The following KATNBL1 variants were observed in gnomAD, a reference collection of about 807,000 sequenced individuals.
The protein encoded by KATNBL1 is katanin regulatory subunit B1 like 1, also known as KATNB1-like protein 1.
In KATNBL1, 28 loss-of-function variants were observed where a neutral mutation model predicts 44.7. That is an observed-to-expected ratio of 0.63 (90% CI 0.46 to 0.86). The LOEUF is 0.86. Ranked by LOEUF, KATNBL1 falls within the 40% of genes least tolerant of loss-of-function variation. The pLI is 0.00. For missense variants in KATNBL1, 272 were observed against 350.7 expected, an observed-to-expected ratio of 0.78 and a Z score of 1.79; for synonymous variants, 78 against 114.9, an observed-to-expected ratio of 0.68 and a Z score of 2.06.
chr15:34,154,721 A>C (rs957225942), intron 2 of KATNBL1, 37 bp from the exon 3 acceptor site: 1 of 1,368,870 alleles, frequency 7.3e-7, no homozygotes, highest in Non-Finnish European at 1.0e-6. Context: ...GTTAGAAACA[A>C]ATGCTTGGTG....
chr15:34,168,506 C>A (rs1046906029), intron 1 of KATNBL1, among the ~76,000 whole-genome samples: 3 of 152,100 alleles, frequency 2.0e-5, no homozygotes, highest in Non-Finnish European at 4.4e-5. Flanking sequence ...TTCAACACTC[C>A]ACTGTCAATA....
At chr15:34,187,734 TTCAG>T (rs1446461973) in intron 1 of KATNBL1, among the ~76,000 whole-genome samples, 1 of 152,138 alleles carries the variant, frequency 6.6e-6, no homozygotes, top group African/African-American at 2.4e-5. Flanking sequence ...ATAAGGCCAT[TTCAG>T]TCAAAGTCCT....
chr15:34,187,843 A>G (rs981599858), intron 1 of KATNBL1, among the ~76,000 whole-genome samples: 1 of 152,140 alleles, frequency 6.6e-6, no homozygotes, highest in Non-Finnish European at 1.5e-5. Context: ...ACAAATTAAG[A>G]ATATTCACAA....
intron 8 of KATNBL1, chr15:34,145,898 TCC>T (rs1888294539): frequency 6.6e-6 from 1 of 151,518 alleles, no homozygotes; most frequent in Admixed American, 6.6e-5. Flanking sequence ...ATTTGGACAT[TCC>T]TTGGTGTGAA....
intron 1 of KATNBL1, among the ~76,000 whole-genome samples, chr15:34,179,792 A>C (rs1325469028): frequency 1.3e-5 from 2 of 152,204 alleles, no homozygotes; most frequent in Non-Finnish European, 2.9e-5. Context: ...GCTCCCCCCC[A>C]CCATCACTTA....
At chr15:34,206,828 C>G (rs917147191) in intron 1 of KATNBL1, among the ~76,000 whole-genome samples, 2 of 151,948 alleles carry the variant, frequency 1.3e-5, no homozygotes, top group African/African-American at 4.8e-5. Flanking sequence ...AAATTACACC[C>G]TTCCAATTTA....
chr15:34,199,010 T>A (rs1371857760), intron 1 of KATNBL1, among the ~76,000 whole-genome samples: 2 of 151,946 alleles, frequency 1.3e-5, no homozygotes, highest in South Asian at 4.2e-4. Flanking sequence ...GGGGAGGAGG[T>A]GAACACTGGA....
intron 1 of KATNBL1, among the ~76,000 whole-genome samples, chr15:34,190,693 A>T (rs1453288731): frequency 6.6e-6 from 1 of 152,242 alleles, no homozygotes; most frequent in East Asian, 1.9e-4. Flanking sequence ...AATCAATTTT[A>T]GCATCAAAAA....
At chr15:34,201,420 G>A (rs1411334463) in intron 1 of KATNBL1, among the ~76,000 whole-genome samples, 5 of 152,228 alleles carry the variant, frequency 3.3e-5, no homozygotes. Flanking sequence ...CTTCTAGTGA[G>A]AGGATATGTG....
intron 1 of KATNBL1, among the ~76,000 whole-genome samples, chr15:34,173,146 C>A (rs1421712386): frequency 2.0e-5 from 3 of 150,100 alleles, no homozygotes; most frequent in African/African-American, 7.3e-5. Context: ...TTAGAGGGAC[C>A]AACATCCAAA....
chr15:34,144,162 CTGGT>C (rs1381250007), intron 9 of KATNBL1, among the ~76,000 whole-genome samples: 1 of 151,270 alleles, frequency 6.6e-6, no homozygotes, highest in East Asian at 1.9e-4. Flanking sequence ...AGATAAGCTT[CTGGT>C]TGGTCACTGT....
Position 34,145,853 on chromosome 15 carries a change from C to T in KATNBL1, c.789-362G>A, listed in dbSNP as rs947395557. On this transcript the variant is annotated intron_variant, in intron 8 of 9. Transcript: ENST00000256544. ...AGAAAATTAAAGGTTATTTAGTTGT[C>T]AAAGCAGGTAAGAAAATGACCAGGC... 4 of 148,424 alleles carry T rather than the reference C, an allele frequency of 2.7e-5. No homozygotes were observed. In the East Asian group the frequency reaches 5.8e-4, roughly 22 times the overall value. 9.2% of individuals were successfully genotyped at this position (148,424 alleles called of 1,614,324 possible).
chr15:34,158,580 T>C (rs1001148703), intron 2 of KATNBL1, among the ~76,000 whole-genome samples: 4 of 152,158 alleles, frequency 2.6e-5, no homozygotes, highest in Non-Finnish European at 5.9e-5. Context: ...GATTAATTCT[T>C]GTGGACCAGG....
intron 1 of KATNBL1, among the ~76,000 whole-genome samples, chr15:34,199,090 C>G (rs1013127732): frequency 6.6e-6 from 1 of 152,148 alleles, no homozygotes; most frequent in Non-Finnish European, 1.5e-5. Flanking sequence ...AAAGGGTACC[C>G]CATCAGGTTA....
chr15:34,206,935 C>T (rs561508823), intron 1 of KATNBL1, among the ~76,000 whole-genome samples: 1 of 151,850 alleles, frequency 6.6e-6, no homozygotes, highest in Non-Finnish European at 1.5e-5. Context: ...CAGAAAGCAC[C>T]AAATTAACTA....
intron 1 of KATNBL1, among the ~76,000 whole-genome samples, chr15:34,174,064 TAGACTTTCATTCTTG>T (rs1250411087): frequency 1.3e-5 from 2 of 152,128 alleles, no homozygotes; most frequent in African/African-American, 4.8e-5. Flanking sequence ...GAAAATGCAA[TAGACTTTCATTCTTG>T]AGTTTTCCAA....
At chr15:34,192,403 C>CAAAA (rs199991134) in intron 1 of KATNBL1, among the ~76,000 whole-genome samples, 5 of 107,250 alleles carry the variant, frequency 4.7e-5, no homozygotes, top group Non-Finnish European at 8.5e-5. Context: ...GACTCCATCT[C>CAAAA]AAAAAAAAAA....
intron 1 of KATNBL1, among the ~76,000 whole-genome samples, chr15:34,178,464 A>T (rs1201810626): frequency 1.3e-5 from 2 of 152,232 alleles, no homozygotes; most frequent in Non-Finnish European, 2.9e-5. Context: ...TTTTTCTTCA[A>T]GAATTTCAAT....
chr15:34,179,749 C>G (rs777353266), intron 1 of KATNBL1, among the ~76,000 whole-genome samples: 4 of 152,246 alleles, frequency 2.6e-5, no homozygotes, highest in Non-Finnish European at 5.9e-5. Context: ...AAAACATTAA[C>G]AGAAATTATT....
Sources: gnomAD v4.1 joint callset for allele counts (sites outside exome capture counted in the v4.1 genomes callset) on GRCh38, gnomAD v4.1.1 for gene constraint, MANE v1.5 for transcripts, NCBI Gene and HGNC (gene_info 2026-07-23, HGNC 2026-07-21) for gene names.